Variants in CEP70 observed in about 807,000 individuals in gnomAD.
The protein encoded by CEP70 is centrosomal protein 70.
Under a neutral mutation model 90.9 loss-of-function variants are expected in CEP70, and 70 were observed. The observed-to-expected ratio is 0.77, with a 90% CI of 0.64 to 0.94. CEP70 has a LOEUF of 0.94. CEP70 is among the 40% of genes least tolerant of loss of function. CEP70 has a pLI of 0.00. For missense variants in CEP70, 648 were observed against 669.0 expected (o/e 0.97, Z 0.35); for synonymous variants, 220 against 228.3 (o/e 0.96, Z 0.33).
chr3:138,534,976 C>T lies in CEP70; in HGVS notation c.635+2202G>A, dbSNP rs891094509. ...CTTCATTAGCCCTCTACTACTACAA[C>T]CGATTCCTAACTTGTCTTTCTGTCT... is the stretch of plus-strand genomic sequence containing the variant. On this transcript the variant is annotated intron_variant, in intron 7 of 17. Coordinates refer to ENST00000264982, the MANE Select transcript of CEP70 (RefSeq NM_024491.4). Among the ~76,000 whole-genome samples the T allele has an allele frequency of 2.6e-5, 4 of 152,280 alleles. 1 individual carries two copies. Among genetic ancestry groups the T allele is most frequent in the African/African-American group, 9.6e-5 (4 of 41,560 alleles).
intron 2 of CEP70, among the ~76,000 whole-genome samples, chr3:138,586,788 C>G (rs2042124945): frequency 6.6e-6 from 1 of 152,022 alleles, no homozygotes; most frequent in South Asian, 2.1e-4. Flanking sequence ...TGACTATATT[C>G]AATAATAATA....
intron 3 of CEP70, 59 bp downstream of exon 3, chr3:138,572,792 GTTTGTAGA>G (rs1560440717): frequency 9.7e-7 from 1 of 1,033,338 alleles, no homozygotes. Flanking sequence ...AAATTTTCCT[GTTTGTAGA>G]TGTAGCATTC....
In CEP70 at chr3:138,569,754, G is replaced by A. The variant is rs536058108; in HGVS notation, c.465+564C>T. 8.5e-5 allele frequency among the ~76,000 whole-genome samples: 13 copies of A among 152,282 alleles called. No homozygotes were observed. The South Asian group carries it at 2.7e-3, about 32-fold the overall frequency. ...GTGGTGGCATGCGCCTGTAGTCCCA[G>A]CTACTCCAGAGGCTGAGGTGGAAGG... On this transcript the variant is annotated intron_variant, in intron 6 of 17. Transcript: ENST00000264982.
At chr3:138,588,230 A>C (rs1214090219) in intron 2 of CEP70, among the ~76,000 whole-genome samples, 1 of 152,222 alleles carries the variant, frequency 6.6e-6, no homozygotes, top group Non-Finnish European at 1.5e-5. Context: ...GATACAATTC[A>C]AGAACAAATG....
intron 16 of CEP70, 38 bp from the exon 17 acceptor site, chr3:138,498,148 C>A (rs2034117495): frequency 2.6e-6 from 4 of 1,513,304 alleles, no homozygotes; most frequent in Admixed American, 3.6e-5. Flanking sequence ...TGATTTCTAA[C>A]TTTGGGTTCT....
At chr3:138,571,471 A>G (rs1019990482) in intron 3 of CEP70, 115 bp from the exon 4 acceptor site, 9 of 703,044 alleles carry the variant, frequency 1.3e-5, no homozygotes, top group Admixed American at 2.9e-5. Flanking sequence ...AGTTTTAAGT[A>G]TAAATGTTTA....
chr3:138,572,866 T>C lies in CEP70; in HGVS notation c.62A>G (p.Glu21Gly), dbSNP rs756938134. 1.3e-6 allele frequency: 2 copies of C among 1,597,888 alleles called. No individual in the cohort carries two copies. Among genetic ancestry groups the C allele is most frequent in the Non-Finnish European group, 1.7e-6 (2 of 1,165,832 alleles). Residue 21 changes from glutamate to glycine, a missense_variant, in exon 3 of 18, where the codon GAA becomes GGA. Physicochemically the swap from Glu to Gly is moderately conservative, Grantham distance 98. Transcript: ENST00000264982. Reference sequence around the variant, plus strand: ...AAAATATTTTAAGTTTACCTGTTTTTCAGTCATGAGTCTGTCTGATGGTTG... The same window carrying C: ...AAAATATTTTAAGTTTACCTGTTTTCCAGTCATGAGTCTGTCTGATGGTTG... ...SSQPSDRLMTEKQQEEAEWES... is the reference protein window; with the variant it reads ...SSQPSDRLMTGKQQEEAEWES...
chr3:138,584,729 G>GATAA (rs896865625), intron 2 of CEP70, among the ~76,000 whole-genome samples: 6 of 151,390 alleles, frequency 4.0e-5, no homozygotes, highest in Non-Finnish European at 8.8e-5. Context: ...AAAAGCACTT[G>GATAA]ATAAAATTCA....
chr3:138,567,163 A>C (rs1479951752), intron 6 of CEP70, among the ~76,000 whole-genome samples: 1 of 152,220 alleles, frequency 6.6e-6, no homozygotes, highest in Admixed American at 6.5e-5. Context: ...TTTTCCCAAA[A>C]GTCTTTCAAT....
intron 2 of CEP70, among the ~76,000 whole-genome samples, chr3:138,578,501 G>A (rs967648245): frequency 6.6e-5 from 10 of 152,206 alleles, no homozygotes; most frequent in African/African-American, 2.2e-4. Context: ...ACTCAAAATG[G>A]ACATGTTACA....
chr3:138,525,437 A>C (rs2037127060), intron 11 of CEP70, 53 bp downstream of exon 11: 2 of 654,070 alleles, frequency 3.1e-6, no homozygotes, highest in Non-Finnish European at 4.8e-6. Flanking sequence ...AAAATAAATA[A>C]ATAAAATAAA....
chr3:138,525,383 G>A (rs2037119063), intron 11 of CEP70, 107 bp downstream of exon 11: 2 of 327,504 alleles, frequency 6.1e-6, no homozygotes. Flanking sequence ...CCTGCACGTT[G>A]TGCAGATGTA....
At chr3:138,512,698 T>C (rs2035638777) in intron 11 of CEP70, among the ~76,000 whole-genome samples, 1 of 152,236 alleles carries the variant, frequency 6.6e-6, no homozygotes, top group South Asian at 2.1e-4. Context: ...TATGCTGTTT[T>C]ATCTATTTTG....
At chr3:138,496,091 C>G (rs1348987149) in intron 17 of CEP70, 1 of 985,296 alleles carries the variant, frequency 1.0e-6, no homozygotes, top group African/African-American at 1.7e-5. Flanking sequence ...AATCCTTTTT[C>G]TCATTATCCA....
chr3:138,560,525 C>A (rs1009510828), intron 6 of CEP70, among the ~76,000 whole-genome samples: 1 of 151,778 alleles, frequency 6.6e-6, no homozygotes, highest in Admixed American at 6.6e-5. Flanking sequence ...GAGACAGAAC[C>A]GTTTGCTCCC....
At chr3:138,581,298 A>G (rs963107501) in intron 2 of CEP70, among the ~76,000 whole-genome samples, 7 of 151,582 alleles carry the variant, frequency 4.6e-5, no homozygotes, top group Non-Finnish European at 7.4e-5. Flanking sequence ...AAAAAAAAAG[A>G]AAGAAAAGAA....
chr3:138,534,079 C>T lies in CEP70; in HGVS notation c.636-1509G>A, dbSNP rs139614599. 4.8e-3 allele frequency among the ~76,000 whole-genome samples: 726 copies of T among 152,272 alleles called. 4 individuals are homozygous for T. The highest frequency in any genetic ancestry group is 0.017 in the African/African-American group (696 of 41,546). On this transcript the variant is annotated intron_variant, in intron 7 of 17. Transcript: ENST00000264982. The stretch of plus-strand genomic sequence containing the variant: ...GATTACAGGCGTAAGCCACTGCGCC[C>T]GGCCTGAATTTTTATAAACATTTAT...
intron 6 of CEP70, among the ~76,000 whole-genome samples, chr3:138,544,988 T>C (rs886535548): frequency 3.3e-5 from 5 of 152,214 alleles, no homozygotes; most frequent in African/African-American, 1.2e-4. Context: ...AGATGTAGTA[T>C]ATGATAGCAC....
chr3:138,577,013 C>T (rs1007540691), intron 2 of CEP70, among the ~76,000 whole-genome samples: 13 of 152,134 alleles, frequency 8.5e-5, no homozygotes, highest in African/African-American at 3.1e-4. Context: ...TACTATGCAG[C>T]CATTAAAAAG....
Sources: allele counts gnomAD v4.1 joint callset (sites outside exome capture counted in the v4.1 genomes callset), GRCh38; gene constraint gnomAD v4.1.1; transcripts MANE v1.5; gene names NCBI Gene and HGNC (gene_info 2026-07-23, HGNC 2026-07-21).